Variants in CDH6 observed in about 807,000 individuals in gnomAD.
CDH6 encodes cadherin 6, also known as cadherin-6.
A neutral mutation model predicts 78.0 loss-of-function variants in CDH6; 31 were observed. The observed-to-expected ratio is 0.40, with a 90% CI of 0.30 to 0.54. The LOEUF (loss-of-function observed/expected upper bound fraction) is 0.54. Among genes scored for constraint, CDH6 ranks in the 20% least tolerant of loss-of-function variants. The pLI is 0.56. For missense variants in CDH6, 724 were observed against 975.9 expected, an observed-to-expected ratio of 0.74 and a Z score of 3.44; for synonymous variants, 376 against 368.8, an observed-to-expected ratio of 1.02 and a Z score of -0.23.
At chr5:31,235,538 A>G (rs897751373) in intron 1 of CDH6, among the ~76,000 whole-genome samples, 6 of 152,182 alleles carry the variant, frequency 3.9e-5, no homozygotes, top group African/African-American at 1.4e-4. Flanking sequence ...GTACTCATAC[A>G]ATTTCTCTGC....
chr5:31,299,197 C>G lies in CDH6; in HGVS notation c.644-267C>G, dbSNP rs145445836. On this transcript the variant is annotated intron_variant, in intron 4 of 11. Coordinates refer to ENST00000265071, the MANE Select transcript of CDH6 (RefSeq NM_004932.4). ...ATTATAATATTGAGTGTCTTATAAC[C>G]CTTAATAGTCTATACTATTGCAGAA... Among the ~76,000 whole-genome samples the G allele has an allele frequency of 3.1e-3, 475 of 151,964 alleles. 1 individual carries two copies. The highest frequency in any genetic ancestry group is 5.3e-3 in the Non-Finnish European group (362 of 67,968).
chr5:31,278,383 G>A (rs574392695), intron 2 of CDH6, among the ~76,000 whole-genome samples: 4 of 152,088 alleles, frequency 2.6e-5, no homozygotes, highest in Non-Finnish European at 5.9e-5. Context: ...ATGGTGGTCC[G>A]TGCACAAACT....
chr5:31,301,101 C>T (rs2149951022), intron 5 of CDH6, among the ~76,000 whole-genome samples: 1 of 152,172 alleles, frequency 6.6e-6, no homozygotes, highest in South Asian at 2.1e-4. Context: ...CCAGCCTGAG[C>T]AACAGGAGGA....
At chr5:31,258,608 C>G (rs1005949411) in intron 1 of CDH6, among the ~76,000 whole-genome samples, 5 of 151,744 alleles carry the variant, frequency 3.3e-5, no homozygotes, top group Admixed American at 1.3e-4. Flanking sequence ...GCATGTTCTG[C>G]ACGTGTACCC....
Position 31,328,285 on chromosome 5 carries a change from A to T in CDH6, c.*4977A>T, listed in dbSNP as rs1198104220. On this transcript the variant is annotated 3_prime_UTR_variant, in exon 12 of 12. Coordinates refer to ENST00000265071, the MANE Select transcript of CDH6 (RefSeq NM_004932.4). ...ATGGACCCAGCCTTGTGGAAAAAGC[A>T]TTCCACGCTAATGAGATCTTGGTCT... 5.0e-6 allele frequency: 1 copy of T among 199,664 alleles called. No homozygotes were observed. Among genetic ancestry groups the T allele is most frequent in the Non-Finnish European group, 1.0e-5 (1 of 97,364 alleles). The allele number at this position is 199,664 out of a possible 1,614,324, so 12.4% of individuals were successfully genotyped here. A position where few individuals can be genotyped will look rare whatever the true frequency, so the allele number is the denominator to read the frequency against.
intron 1 of CDH6, among the ~76,000 whole-genome samples, chr5:31,257,098 T>C (rs1263769095): frequency 6.6e-6 from 1 of 152,260 alleles, no homozygotes. Context: ...GTCATTTTTA[T>C]GAATATCAGT....
intron 2 of CDH6, among the ~76,000 whole-genome samples, chr5:31,291,674 C>G (rs6889281): frequency 0.13 from 19,705 of 152,206 alleles, 2,052 homozygotes; most frequent in African/African-American, 0.29. Context: ...GGTGACATTG[C>G]TTTCCTTACT....
At chr5:31,281,446 G>A (rs1290145177) in intron 2 of CDH6, among the ~76,000 whole-genome samples, 3 of 152,000 alleles carry the variant, frequency 2.0e-5, no homozygotes, top group Admixed American at 6.6e-5. Context: ...GAGTTACAAC[G>A]CCTTACTCAA....
At chr5:31,238,970 C>T (rs374254370) in intron 1 of CDH6, among the ~76,000 whole-genome samples, 6 of 152,232 alleles carry the variant, frequency 3.9e-5, no homozygotes, top group East Asian at 3.9e-4. Context: ...AGTCAAATGC[C>T]CAAATACAAT....
intron 1 of CDH6, among the ~76,000 whole-genome samples, chr5:31,217,732 C>T (rs1740906180): frequency 6.6e-6 from 1 of 152,126 alleles, no homozygotes; most frequent in Non-Finnish European, 1.5e-5. Flanking sequence ...CACAGGTACA[C>T]ACAAGTTACA....
intron 1 of CDH6, among the ~76,000 whole-genome samples, chr5:31,210,076 T>TTCTGTGTGTGTGTGTGTG (rs1554002608): frequency 1.8e-4 from 27 of 146,566 alleles, no homozygotes; most frequent in African/African-American, 6.6e-4. Flanking sequence ...TTTTCTTAAA[T>TTCTGTGTGTGTGTGTGTG]TGTGTGTGTG....
Position 31,324,636 on chromosome 5 carries a change from A to G in CDH6, c.*1328A>G, listed in dbSNP as rs1242793688. 5 of 210,718 alleles carry G rather than the reference A, an allele frequency of 2.4e-5. No individual in the cohort carries two copies. The highest frequency in any genetic ancestry group is 4.8e-5 in the Non-Finnish European group (5 of 103,986). The allele number at this position is 210,718 out of a possible 1,614,324, so 13.1% of individuals were successfully genotyped here. Reference sequence around the variant, plus strand: ...ACTTTGCTTTCATGACCATCCTGCCATCCTTGACTTTGAACTAATGATAAA... The same window carrying G: ...ACTTTGCTTTCATGACCATCCTGCCGTCCTTGACTTTGAACTAATGATAAA... On this transcript the variant is annotated 3_prime_UTR_variant, in exon 12 of 12. Coordinates refer to ENST00000265071, the MANE Select transcript of CDH6 (RefSeq NM_004932.4).
intron 2 of CDH6, among the ~76,000 whole-genome samples, chr5:31,290,153 G>A (rs140103662): frequency 0.026 from 3,962 of 152,190 alleles, 61 homozygotes; most frequent in Middle Eastern, 0.068. Flanking sequence ...CCAGCTACAC[G>A]GCAGGCTGAG....
rs750696655 is a variant in CDH6 at position 31,326,680 on chromosome 5, A to ATTTTTTTTTTTTTTTTTTTT, written c.*3372_*3373insTTTTTTTTTTTTTTTTTTTT. On this transcript the variant is annotated 3_prime_UTR_variant, in exon 12 of 12. Coordinates refer to ENST00000265071, the MANE Select transcript of CDH6 (RefSeq NM_004932.4). ...CAAAGAGTTGTGCAGAAAATCTTAA[A>ATTTTTTTTTTTTTTTTTTTT]ATTTTTTTTTTTTTTTTTTTTTTTT... 1.5e-5 allele frequency: 2 copies of ATTTTTTTTTTTTTTTTTTTT among 130,318 alleles called. 1 individual carries two copies. Among genetic ancestry groups the ATTTTTTTTTTTTTTTTTTTT allele is most frequent in the Non-Finnish European group, 3.2e-5 (2 of 61,680 alleles). The allele number at this position is 130,318 out of a possible 1,614,324, so 8.1% of individuals were successfully genotyped here.
chr5:31,219,511 A>G (rs1179625136), intron 1 of CDH6, among the ~76,000 whole-genome samples: 1 of 152,088 alleles, frequency 6.6e-6, no homozygotes, highest in African/African-American at 2.4e-5. Flanking sequence ...CCTTCTTCAC[A>G]TCATTCATGC....
chr5:31,222,769 C>G (rs1301211020), intron 1 of CDH6, among the ~76,000 whole-genome samples: 1 of 152,098 alleles, frequency 6.6e-6, no homozygotes, highest in Non-Finnish European at 1.5e-5. Context: ...CAAAGTCTGT[C>G]TAATTCCACA....
At chr5:31,302,947 GA>G (rs1168229346) in intron 6 of CDH6, among the ~76,000 whole-genome samples, 1 of 129,914 alleles carries the variant, frequency 7.7e-6, no homozygotes, top group African/African-American at 2.6e-5. Flanking sequence ...AAGAAAGAAA[GA>G]AAGAAAGAAG....
chr5:31,200,423 G>A (rs978197178), intron 1 of CDH6, among the ~76,000 whole-genome samples: 2 of 152,002 alleles, frequency 1.3e-5, no homozygotes, highest in Non-Finnish European at 2.9e-5. Context: ...ACTCTGGGTA[G>A]AGCTAAGTAA....
intron 1 of CDH6, among the ~76,000 whole-genome samples, chr5:31,247,290 C>T (rs1480582636): frequency 6.6e-6 from 1 of 152,178 alleles, no homozygotes; most frequent in South Asian, 2.1e-4. Context: ...TACCTTAGGA[C>T]ATGAATATGG....
Sources: allele counts gnomAD v4.1 joint callset (sites outside exome capture counted in the v4.1 genomes callset), GRCh38; gene constraint gnomAD v4.1.1; transcripts MANE v1.5; gene names NCBI Gene and HGNC (gene_info 2026-07-23, HGNC 2026-07-21).